ASTN2: variants seen among roughly 807,000 people sequenced by gnomAD.
The protein encoded by ASTN2 is astrotactin 2.
In ASTN2, 54 loss-of-function variants were observed where a neutral mutation model predicts 139.8. The observed-to-expected ratio is 0.39, with a 90% CI of 0.31 to 0.48. The LOEUF (loss-of-function observed/expected upper bound fraction) is 0.48. Among genes scored for constraint, ASTN2 ranks in the 20% least tolerant of loss-of-function variants. The pLI is 0.95. For missense variants in ASTN2, 1,565 were observed against 1,725.1 expected (o/e 0.91, Z 1.64); for synonymous variants, 756 against 719.5 (o/e 1.05, Z -0.81).
At chr9:117,255,911 G>T (rs1470812665) in intron 2 of ASTN2, among the ~76,000 whole-genome samples, 2 of 152,152 alleles carry the variant, frequency 1.3e-5, no homozygotes, top group African/African-American at 2.4e-5. Flanking sequence ...AATGTGGAAA[G>T]GTACAACTTA....
chr9:117,196,614 C>T (rs1305410198), intron 3 of ASTN2, among the ~76,000 whole-genome samples: 1 of 152,176 alleles, frequency 6.6e-6, no homozygotes, highest in African/African-American at 2.4e-5. Flanking sequence ...TCTCTTCTGC[C>T]TCCACCCTAG....
At chr9:117,062,195 C>G (rs1256323109) in intron 5 of ASTN2, among the ~76,000 whole-genome samples, 1 of 152,154 alleles carries the variant, frequency 6.6e-6, no homozygotes, top group African/African-American at 2.4e-5. Context: ...CCGGCCTGCC[C>G]TCAACACTGT....
At chr9:116,576,273 A>G (rs1051703882) in intron 19 of ASTN2, among the ~76,000 whole-genome samples, 1 of 152,150 alleles carries the variant, frequency 6.6e-6, no homozygotes, top group Non-Finnish European at 1.5e-5. Context: ...GGTGTTTCAC[A>G]TATCTCTCAT....
chr9:116,943,548 T>G (rs12340992), intron 10 of ASTN2, among the ~76,000 whole-genome samples: 7,995 of 152,246 alleles, frequency 0.053, 685 homozygotes, highest in African/African-American at 0.18. Flanking sequence ...TGTTATTGTA[T>G]GTACATTATA....
rs555669773 is a variant in ASTN2, at chr9:116,831,892, C to T, written c.2041-11109G>A. Among the ~76,000 whole-genome samples, 224 of 152,248 alleles carry T rather than the reference C, an allele frequency of 1.5e-3. 1 individual carries two copies. The highest frequency in any genetic ancestry group is 4.7e-3 in the African/African-American group (197 of 41,564). ...CTTTATTATCTTGTGCTATCCAATT[C>T]GTGAATACGTATATCTTTCCTTGTG... On this transcript the variant is annotated intron_variant, in intron 11 of 22. Transcript: ENST00000313400.
chr9:117,253,238 A>C (rs2050420), intron 2 of ASTN2, among the ~76,000 whole-genome samples: 83,086 of 152,002 alleles, frequency 0.55, 25,794 homozygotes, highest in Admixed American at 0.69. Flanking sequence ...CATTTGTTCA[A>C]AGGGGCTACA....
chr9:117,163,393 A>C (rs1297360854), intron 3 of ASTN2, among the ~76,000 whole-genome samples: 1 of 152,124 alleles, frequency 6.6e-6, no homozygotes, highest in Non-Finnish European at 1.5e-5. Flanking sequence ...GCAGAGGAAA[A>C]ACTAATGCCA....
chr9:117,085,979 C>T (rs1828550214), intron 5 of ASTN2, among the ~76,000 whole-genome samples: 1 of 152,188 alleles, frequency 6.6e-6, no homozygotes, highest in Non-Finnish European at 1.5e-5. Context: ...TTCTTAGTTT[C>T]TTCATCTGTA....
chr9:116,482,537 G>A (rs771124042), intron 20 of ASTN2, among the ~76,000 whole-genome samples: 25 of 152,086 alleles, frequency 1.6e-4, no homozygotes, highest in Non-Finnish European at 3.1e-4. Context: ...CAGTGTGCAA[G>A]CCTCCGGGCT....
intron 7 of ASTN2, among the ~76,000 whole-genome samples, chr9:116,982,905 G>A (rs1023865245): frequency 2.0e-5 from 3 of 152,114 alleles, no homozygotes; most frequent in Non-Finnish European, 4.4e-5. Flanking sequence ...GTATGGGCAC[G>A]GACAAGGCAT....
chr9:116,629,961 A>G (rs1325659882), intron 17 of ASTN2, among the ~76,000 whole-genome samples: 1 of 152,180 alleles, frequency 6.6e-6, no homozygotes, highest in East Asian at 1.9e-4. Context: ...TCAGGCAAGG[A>G]GTAATTTTTC....
At chr9:116,463,865 T>A (rs998400505) in intron 20 of ASTN2, among the ~76,000 whole-genome samples, 2 of 151,492 alleles carry the variant, frequency 1.3e-5, no homozygotes, top group East Asian at 1.9e-4. Flanking sequence ...AACCCTTGAG[T>A]AGCTGGGATC....
intron 7 of ASTN2, among the ~76,000 whole-genome samples, chr9:117,007,275 G>A (rs1335753098): frequency 6.6e-6 from 1 of 151,914 alleles, no homozygotes; most frequent in Non-Finnish European, 1.5e-5. Flanking sequence ...CCCCTACACC[G>A]GCATCTATCA....
intron 1 of ASTN2, among the ~76,000 whole-genome samples, chr9:117,349,551 A>C (rs964626517): frequency 6.6e-6 from 1 of 152,162 alleles, no homozygotes; most frequent in African/African-American, 2.4e-5. Context: ...ACTGAAAAAG[A>C]ATCGTTCACT....
intron 20 of ASTN2, among the ~76,000 whole-genome samples, chr9:116,475,293 C>T (rs1588093292): frequency 6.6e-6 from 1 of 152,150 alleles, no homozygotes; most frequent in East Asian, 1.9e-4. Flanking sequence ...CTGCAGTCCT[C>T]ACTCCTCCCT....
chr9:117,306,880 G>A (rs770201177), intron 1 of ASTN2, among the ~76,000 whole-genome samples: 1 of 152,128 alleles, frequency 6.6e-6, no homozygotes, highest in Non-Finnish European at 1.5e-5. Flanking sequence ...ACTATGTGAT[G>A]TGAAATATAC....
intron 10 of ASTN2, among the ~76,000 whole-genome samples, chr9:116,867,184 G>C (rs951517469): frequency 9.2e-5 from 14 of 152,042 alleles, no homozygotes; most frequent in Admixed American, 7.2e-4. Context: ...AGAAAGCAAA[G>C]AGAGAAACAG....
At chr9:116,938,629 G>A (rs957292683) in intron 10 of ASTN2, among the ~76,000 whole-genome samples, 14 of 152,144 alleles carry the variant, frequency 9.2e-5, no homozygotes, top group African/African-American at 3.1e-4. Flanking sequence ...CTAGCTGAAA[G>A]GGCCCTGGAG....
intron 19 of ASTN2, among the ~76,000 whole-genome samples, chr9:116,537,209 A>G (rs1851674592): frequency 6.6e-6 from 1 of 152,030 alleles, no homozygotes; most frequent in East Asian, 1.9e-4. Context: ...AAATGCAGAA[A>G]TTACCCATCT....
Sources: allele counts gnomAD v4.1 joint callset (sites outside exome capture counted in the v4.1 genomes callset), GRCh38; gene constraint gnomAD v4.1.1; transcripts MANE v1.5; gene names NCBI Gene and HGNC (gene_info 2026-07-23, HGNC 2026-07-21).